UBE2W: variants seen among roughly 807,000 people sequenced by gnomAD.
UBE2W encodes ubiquitin-conjugating enzyme E2 W.
UBE2W carries 18 observed loss-of-function variants against 27.2 expected under a neutral mutation model. That is an observed-to-expected ratio of 0.66 (90% CI 0.46 to 0.98). UBE2W has a LOEUF of 0.98. UBE2W is among the 50% of genes least tolerant of loss of function. The pLI is 0.00. For synonymous variants in UBE2W, 53 were observed against 57.2 expected, an observed-to-expected ratio of 0.93 and a Z score of 0.33; for missense variants, 90 against 180.2, an observed-to-expected ratio of 0.50 and a Z score of 2.87.
intron 1 of UBE2W, chr8:73,831,131 T>C (rs867940913): frequency 1.0e-5 from 4 of 396,066 alleles, no homozygotes; most frequent in South Asian, 7.2e-5. Context: ...AATACATCTA[T>C]GGCAGTAATA....
intron 2 of UBE2W, among the ~76,000 whole-genome samples, chr8:73,828,446 T>C (rs1183295953): frequency 6.6e-6 from 1 of 152,226 alleles, no homozygotes; most frequent in Non-Finnish European, 1.5e-5. Context: ...TTTTCCATAT[T>C]ATTGACATTT....
At chr8:73,805,313 T>C (rs1041037921) in intron 5 of UBE2W, among the ~76,000 whole-genome samples, 6 of 149,696 alleles carry the variant, frequency 4.0e-5, no homozygotes, top group Non-Finnish European at 8.9e-5. Flanking sequence ...ATTAGCTGGG[T>C]GTGGTTGCAC....
chr8:73,790,198 G>C lies in UBE2W; in HGVS notation c.*3904C>G, dbSNP rs2130836095. On this transcript the variant is annotated 3_prime_UTR_variant, in exon 6 of 6. Transcript: ENST00000602593. ...CCTAACCTCAGAAAAAAAAAAGAGA[G>C]AATAAATTAGAAGTGAGAAAAGGAA... is the stretch of plus-strand genomic sequence containing the variant. The C allele has an allele frequency of 1.0e-6, 1 of 984,826 alleles. No individual in the cohort carries two copies. The highest frequency in any genetic ancestry group is 1.1e-4 in the East Asian group (1 of 8,800). 61.0% of individuals were successfully genotyped at this position (984,826 alleles called of 1,614,324 possible).
chr8:73,829,575 AT>A (rs67006934), intron 2 of UBE2W, among the ~76,000 whole-genome samples: 140,789 of 148,264 alleles, frequency 0.95, 66,829 homozygotes, highest in East Asian at 0.98. Context: ...TGTGTATTAC[AT>A]TTTTTTTTTT....
chr8:73,784,554 A>G (rs1008555196), downstream of UBE2W, among the ~76,000 whole-genome samples: 2 of 152,312 alleles, frequency 1.3e-5, no homozygotes, highest in South Asian at 2.1e-4. Context: ...TGTCCTAGGA[A>G]GAAAGTATCT....
chr8:73,844,833 G>A (rs1261761069), intron 1 of UBE2W, among the ~76,000 whole-genome samples: 13 of 151,156 alleles, frequency 8.6e-5, no homozygotes, highest in East Asian at 6.0e-4. Context: ...TCTCTGCACC[G>A]CCGCCACCCC....
intron 1 of UBE2W, among the ~76,000 whole-genome samples, chr8:73,869,573 C>T (rs1159218470): frequency 2.0e-5 from 3 of 152,112 alleles, no homozygotes; most frequent in African/African-American, 7.2e-5. Flanking sequence ...CGCCTGCAGT[C>T]CCAGCTACTC....
At chr8:73,864,261 G>A (rs970163530) in intron 1 of UBE2W, among the ~76,000 whole-genome samples, 3 of 152,154 alleles carry the variant, frequency 2.0e-5, no homozygotes, top group African/African-American at 7.2e-5. Flanking sequence ...AGGCATGGTG[G>A]CACATGACTG....
At position 73,813,175 on chromosome 8, in the gene UBE2W, C is replaced by T. The variant is rs534675872; in HGVS notation, c.211-2546G>A. On this transcript the variant is annotated intron_variant, in intron 3 of 5. Transcript: ENST00000602593. ...CCAACCTTTAAAGAAAATAGCAACA[C>T]GAAGGTTACTACATCATGTTTCACC... 3.4e-5 allele frequency among the ~76,000 whole-genome samples: 5 copies of T among 145,260 alleles called. No individual in the cohort carries two copies. In the South Asian group the frequency reaches 6.6e-4, roughly 19 times the overall value.
rs115309240 is a variant in UBE2W, at chr8:73,810,903, G to A, written c.211-274C>T. ...ATTCTCCTTAAAAATTCTAAACTAC[G>A]TATTTTTTACTAGTGAAAGACAACT... is the stretch of plus-strand genomic sequence containing the variant. On this transcript the variant is annotated intron_variant, in intron 3 of 5. Transcript: ENST00000602593. Among the ~76,000 whole-genome samples the A allele has an allele frequency of 4.3e-3, 653 of 152,034 alleles. 7 individuals carry two copies. Among genetic ancestry groups the A allele is most frequent in the African/African-American group, 0.015 (626 of 41,460 alleles).
At chr8:73,796,652 A>C (rs1808433288) in intron 5 of UBE2W, 1 of 985,158 alleles carries the variant, frequency 1.0e-6, no homozygotes, top group African/African-American at 1.7e-5. Context: ...TGTAACAGCT[A>C]GATCAACAGG....
intron 1 of UBE2W, among the ~76,000 whole-genome samples, chr8:73,837,879 C>T (rs59954171): frequency 0.031 from 4,751 of 152,108 alleles, 229 homozygotes; most frequent in African/African-American, 0.1. Flanking sequence ...CTCCCCAGGG[C>T]GAAAAGGCCT....
intron 2 of UBE2W, among the ~76,000 whole-genome samples, chr8:73,825,492 G>C (rs1459149668): frequency 2.0e-5 from 3 of 152,060 alleles, no homozygotes; most frequent in African/African-American, 7.2e-5. Flanking sequence ...ACAGAGCCAG[G>C]TCTAAAAAAG....
intron 1 of UBE2W, among the ~76,000 whole-genome samples, chr8:73,874,023 C>T (rs1474659505): frequency 1.3e-5 from 2 of 152,168 alleles, no homozygotes; most frequent in African/African-American, 2.4e-5. Flanking sequence ...GTTAAAATTG[C>T]TAACTTACGA....
chr8:73,812,663 T>C (rs1809197446), intron 3 of UBE2W, among the ~76,000 whole-genome samples: 1 of 152,156 alleles, frequency 6.6e-6, no homozygotes, highest in African/African-American at 2.4e-5. Context: ...ATATTTTCAT[T>C]AAAACACAAG....
At chr8:73,876,125 T>A (rs539744185) in intron 1 of UBE2W, among the ~76,000 whole-genome samples, 138 of 152,158 alleles carry the variant, frequency 9.1e-4, no homozygotes, top group African/African-American at 3.1e-3. Context: ...ATGAGACTAT[T>A]TATTATTAAA....
chr8:73,868,317 T>C (rs980339369), intron 1 of UBE2W, among the ~76,000 whole-genome samples: 9 of 152,194 alleles, frequency 5.9e-5, no homozygotes, highest in African/African-American at 1.7e-4. Flanking sequence ...AGCTTTTGAA[T>C]TGGTGAATAA....
chr8:73,862,136 A>G (rs1406103374), intron 1 of UBE2W, among the ~76,000 whole-genome samples: 3 of 152,160 alleles, frequency 2.0e-5, no homozygotes, highest in African/African-American at 4.8e-5. Context: ...CTGCACATTA[A>G]AATTACCTGA....
intron 5 of UBE2W, chr8:73,796,539 T>C (rs1808428466): frequency 3.2e-6 from 2 of 624,206 alleles, no homozygotes; most frequent in Non-Finnish European, 4.0e-6. Flanking sequence ...CCAAAATGAT[T>C]AGGAAATCTT....
Sources: allele counts gnomAD v4.1 joint callset (sites outside exome capture counted in the v4.1 genomes callset), GRCh38; gene constraint gnomAD v4.1.1; transcripts MANE v1.5; gene names NCBI Gene and HGNC (gene_info 2026-07-23, HGNC 2026-07-21).